The following LRFN2 variants were observed in gnomAD, a reference collection of about 807,000 sequenced individuals.
The protein encoded by LRFN2 is leucine rich repeat and fibronectin type III domain containing 2.
A neutral mutation model predicts 37.3 loss-of-function variants in LRFN2; 18 were observed. The ratio of observed to expected loss-of-function variants is 0.48; its 90% CI spans 0.33 to 0.72. The LOEUF is 0.72. LRFN2 is among the 30% of genes least tolerant of loss of function. The pLI is 0.02. For missense variants in LRFN2, 1,006 were observed against 1,060.7 expected (o/e 0.95, Z 0.72); for synonymous variants, 556 against 466.6 (o/e 1.19, Z -2.47).
At chr6:40,575,112 C>A (rs1410671091) in intron 1 of LRFN2, among the ~76,000 whole-genome samples, 1 of 152,130 alleles carries the variant, frequency 6.6e-6, no homozygotes, top group Non-Finnish European at 1.5e-5. Context: ...ACACAAGACC[C>A]AGTCACCCCT....
At chr6:40,578,157 C>A (rs190340060) in intron 1 of LRFN2, among the ~76,000 whole-genome samples, 5 of 152,208 alleles carry the variant, frequency 3.3e-5, no homozygotes, top group African/African-American at 1.2e-4. Context: ...TAACTCCCAT[C>A]CTCTGGGGTG....
chr6:40,467,563 CT>C (rs771454463), intron 1 of LRFN2, among the ~76,000 whole-genome samples: 3 of 152,150 alleles, frequency 2.0e-5, no homozygotes, highest in Non-Finnish European at 4.4e-5. Context: ...TACAACAGGG[CT>C]TTACAGGTGA....
At chr6:40,484,830 T>C (rs1446387956) in intron 1 of LRFN2, among the ~76,000 whole-genome samples, 1 of 152,096 alleles carries the variant, frequency 6.6e-6, no homozygotes, top group Middle Eastern at 3.2e-3. Flanking sequence ...CATTGAAGAG[T>C]ATGTCCAGGT....
intron 1 of LRFN2, among the ~76,000 whole-genome samples, chr6:40,581,411 G>T (rs1426787070): frequency 6.6e-6 from 1 of 152,150 alleles, no homozygotes; most frequent in Non-Finnish European, 1.5e-5. Context: ...GTTACGGGCA[G>T]AGCTAAAAGG....
rs762137082 is a variant in LRFN2 at position 40,432,667 on chromosome 6, C to T, written c.447G>A (p.Leu149=). The change falls in exon 2 of 3, where the codon CTG becomes CTA. Residue 149 remains leucine (L), a synonymous_variant. Transcript: ENST00000338305. ...AGGAGAGGTCCAGATCCTCCAATGT[C>T]AGCAGGAAGTCCTCAAAAGCCTCAT... ...IADEAFEDFL[L]TLEDLDLSYN... 7 of 1,614,184 alleles carry T rather than the reference C, an allele frequency of 4.3e-6. No homozygotes were observed. Among genetic ancestry groups the T allele is most frequent in the Non-Finnish European group, 5.9e-6 (7 of 1,180,044 alleles).
At chr6:40,503,708 C>T (rs1010077541) in intron 1 of LRFN2, among the ~76,000 whole-genome samples, 3 of 152,160 alleles carry the variant, frequency 2.0e-5, no homozygotes, top group Admixed American at 2.0e-4. Context: ...TGGAGCCCAA[C>T]ACCAGTATGT....
intron 1 of LRFN2, among the ~76,000 whole-genome samples, chr6:40,525,231 C>T (rs946213503): frequency 3.3e-5 from 5 of 152,176 alleles, no homozygotes; most frequent in Non-Finnish European, 2.9e-5. Context: ...CTCCCTTGCT[C>T]GCCCCTGGCT....
At chr6:40,465,560 T>C (rs1212370736) in intron 1 of LRFN2, among the ~76,000 whole-genome samples, 1 of 152,190 alleles carries the variant, frequency 6.6e-6, no homozygotes, top group Non-Finnish European at 1.5e-5. Context: ...TTGGTTTACT[T>C]CTGGGAAAAT....
intron 1 of LRFN2, among the ~76,000 whole-genome samples, chr6:40,535,145 T>C (rs1451473929): frequency 2.6e-5 from 4 of 152,208 alleles, no homozygotes; most frequent in South Asian, 2.1e-4. Flanking sequence ...TTCTATAGCA[T>C]GGGAAGCCTC....
At chr6:40,395,074 G>C (rs1294536351) in intron 2 of LRFN2, among the ~76,000 whole-genome samples, 2 of 151,892 alleles carry the variant, frequency 1.3e-5, no homozygotes, top group Non-Finnish European at 2.9e-5. Flanking sequence ...AGGCCAGAGG[G>C]GTTAGGAGAG....
intron 1 of LRFN2, among the ~76,000 whole-genome samples, chr6:40,586,057 C>A (rs1385362892): frequency 6.6e-6 from 1 of 152,214 alleles, no homozygotes; most frequent in Non-Finnish European, 1.5e-5. Context: ...CACTCAGGCT[C>A]TCTTCTCCCT....
Position 40,432,868 on chromosome 6 carries a change from G to C in LRFN2, c.246C>G (p.Thr82=), listed in dbSNP as rs767578975. The C allele has an allele frequency of 1.9e-6, 3 of 1,614,118 alleles. No homozygotes were observed. Among genetic ancestry groups the C allele is most frequent in the Admixed American group, 3.3e-5 (2 of 60,008 alleles). ...FANMTGLVDL[T]LSRNTISHIQ... Reference sequence around the variant, plus strand: ...TGTGGCTGATGGTGTTCCTGGACAGGGTCAGGTCCACCAGCCCCGTCATGT... The same window carrying C: ...TGTGGCTGATGGTGTTCCTGGACAGCGTCAGGTCCACCAGCCCCGTCATGT... The change falls in exon 2 of 3, where the codon ACC becomes ACG. Residue 82 remains threonine, a synonymous_variant. Transcript: ENST00000338305.
intron 1 of LRFN2, among the ~76,000 whole-genome samples, chr6:40,557,312 A>C (rs1204238641): frequency 6.6e-6 from 1 of 152,218 alleles, no homozygotes; most frequent in Non-Finnish European, 1.5e-5. Context: ...CTCAGAGATA[A>C]AGCATAAAGG....
intron 1 of LRFN2, among the ~76,000 whole-genome samples, chr6:40,581,728 G>A (rs1767407736): frequency 6.6e-6 from 1 of 152,184 alleles, no homozygotes; most frequent in East Asian, 1.9e-4. Context: ...AGTCAGAAAT[G>A]CCTTTGCCTT....
intron 1 of LRFN2, among the ~76,000 whole-genome samples, chr6:40,582,242 G>A (rs991647197): frequency 1.3e-5 from 2 of 152,104 alleles, no homozygotes; most frequent in South Asian, 2.1e-4. Context: ...TCAGCTTTCT[G>A]CTTCTTTAGG....
chr6:40,475,526 G>A (rs529216859), intron 1 of LRFN2, among the ~76,000 whole-genome samples: 1 of 152,268 alleles, frequency 6.6e-6, no homozygotes, highest in East Asian at 1.9e-4. Context: ...TCTATAGGTT[G>A]TGCCATCAGC....
At chr6:40,427,466 T>C (rs1262976976) in intron 2 of LRFN2, among the ~76,000 whole-genome samples, 1 of 152,180 alleles carries the variant, frequency 6.6e-6, no homozygotes, top group Non-Finnish European at 1.5e-5. Context: ...GAGATGCTGG[T>C]CCAGCCGAGA....
At position 40,392,552 on chromosome 6, in the gene LRFN2, T is replaced by G. The variant is rs1275627084; in HGVS notation, c.1761A>C (p.Pro587=). 1.0e-5 allele frequency: 16 copies of G among 1,596,158 alleles called. No homozygotes were observed. Among genetic ancestry groups the G allele is most frequent in the Non-Finnish European group, 1.4e-5 (16 of 1,175,020 alleles). ...SQTNGAQPPP[P]SSAPAGAPPQ... ...GCGGGGCCCCGGCTGGTGCGCTGCT[T>G]GGAGGCGGTGGCTGGGCGCCGTTGG... The change falls in exon 3 of 3, where the codon CCA becomes CCC. Residue 587 remains proline, a synonymous_variant. Transcript: ENST00000338305. This position sits in a 1 kb window ranked among gnomAD's most constrained non-coding sequence, Gnocchi z 4.7.
At chr6:40,572,058 C>T (rs1183868603) in intron 1 of LRFN2, among the ~76,000 whole-genome samples, 1 of 152,348 alleles carries the variant, frequency 6.6e-6, no homozygotes, top group East Asian at 1.9e-4. Flanking sequence ...CCCCTCCTCC[C>T]GTTCTGCTCC....
Sources: allele counts gnomAD v4.1 joint callset (sites outside exome capture counted in the v4.1 genomes callset), GRCh38; gene constraint gnomAD v4.1.1; non-coding constraint Gnocchi (gnomAD v3.1); transcripts MANE v1.5; gene names NCBI Gene and HGNC (gene_info 2026-07-23, HGNC 2026-07-21).